GBP3: variants seen among roughly 807,000 people sequenced by gnomAD.
The protein encoded by GBP3 is guanylate-binding protein 3.
A neutral mutation model predicts 62.4 loss-of-function variants in GBP3; 55 were observed. That is an observed-to-expected ratio of 0.88 (90% CI 0.71 to 1.10). The LOEUF is 1.10. Ranked by LOEUF, GBP3 falls within the 50% of genes least tolerant of loss-of-function variation. The probability of loss-of-function intolerance (pLI) is 0.00; values close to 1 mark genes in which losing one functional copy is unlikely to be tolerated. For missense variants in GBP3, 605 were observed against 690.6 expected (o/e 0.88, Z 1.39); for synonymous variants, 208 against 259.2 (o/e 0.80, Z 1.90).
At chr1:89,008,832 G>A (rs1389805039) in intron 10 of GBP3, 115 bp downstream of exon 10, 6 of 1,533,016 alleles carry the variant, frequency 3.9e-6, no homozygotes, top group Non-Finnish European at 5.3e-6. Flanking sequence ...AAGTACAAGT[G>A]AGCAAGCAAA....
At chr1:89,009,180 T>A in intron 9 of GBP3, 40 bp from the exon 10 acceptor site, 1 of 1,595,476 alleles carries the variant, frequency 6.3e-7, no homozygotes, top group Non-Finnish European at 8.6e-7. Flanking sequence ...AGTTATCTTG[T>A]TGCCTCATTC....
chr1:89,012,536 G>A (rs963842513), intron 6 of GBP3, among the ~76,000 whole-genome samples: 2 of 138,414 alleles, frequency 1.4e-5, no homozygotes, highest in African/African-American at 4.9e-5. Flanking sequence ...TAGCCACTAA[G>A]TACATGTAAA....
chr1:89,009,580 G>C (rs1182736479), intron 8 of GBP3, 86 bp from the exon 9 acceptor site: 2 of 1,578,792 alleles, frequency 1.3e-6, no homozygotes, highest in Non-Finnish European at 8.6e-7. Context: ...CTTTTCTTCT[G>C]AGAATTCTTC....
In GBP3 at chr1:89,012,109, C is replaced by T; in HGVS notation, c.869-82G>A. On this transcript the variant is annotated intron_variant, in intron 6 of 10. Coordinates refer to ENST00000370481, the MANE Select transcript of GBP3 (RefSeq NM_018284.3). The stretch of plus-strand genomic sequence containing the variant: ...GTGTAATTCTGAACATGTCAATTTC[C>T]ACCTATTTTCCTCACAGCATCAAGG... 5 of 1,267,916 alleles carry T rather than the reference C, an allele frequency of 3.9e-6. 1 individual carries two copies. The highest frequency in any genetic ancestry group is 1.4e-5 in the African/African-American group (1 of 70,990). The allele number at this position is 1,267,916 out of a possible 1,614,324, so 78.5% of individuals were successfully genotyped here.
At chr1:89,012,729 C>A (rs1376329972) in intron 6 of GBP3, among the ~76,000 whole-genome samples, 1 of 138,102 alleles carries the variant, frequency 7.2e-6, no homozygotes, top group African/African-American at 2.5e-5. Context: ...CTATCTTTTC[C>A]CACCAAGAAG....
At chr1:89,018,968 T>C (rs1679033449) in intron 2 of GBP3, among the ~76,000 whole-genome samples, 1 of 152,174 alleles carries the variant, frequency 6.6e-6, no homozygotes, top group African/African-American at 2.4e-5. Context: ...AAATAACAAA[T>C]GTTGGTGAAT....
chr1:89,017,580 A>T (rs1678953522), intron 2 of GBP3, among the ~76,000 whole-genome samples: 1 of 152,246 alleles, frequency 6.6e-6, no homozygotes, highest in Non-Finnish European at 1.5e-5. Flanking sequence ...TCTGATAAGG[A>T]ATTGATGTCT....
chr1:89,021,974 T>C (rs10922543), intron 1 of GBP3, among the ~76,000 whole-genome samples: 11,800 of 151,396 alleles, frequency 0.078, 1,549 homozygotes, highest in African/African-American at 0.27. Context: ...AGATACCGGC[T>C]TTAGTAGTGA....
intron 2 of GBP3, 34 bp downstream of exon 2, chr1:89,020,498 A>C (rs377477809): frequency 6.2e-7 from 1 of 1,612,080 alleles, no homozygotes; most frequent in African/African-American, 1.3e-5. Flanking sequence ...GGGGGACAGA[A>C]GGGACTTGGC....
In GBP3 at chr1:89,012,052, T is replaced by C; in HGVS notation, c.869-25A>G. The C allele has an allele frequency of 2.8e-6, 4 of 1,444,336 alleles. 2 individuals are homozygous for C. Among genetic ancestry groups the C allele is most frequent in the Non-Finnish European group, 3.8e-6 (4 of 1,041,902 alleles). The allele number at this position is 1,444,336 out of a possible 1,614,324, so 89.5% of individuals were successfully genotyped here. A position where few individuals can be genotyped will look rare whatever the true frequency, so the allele number is the denominator to read the frequency against. ...CCTACATACAAAGAAGAAATGATAATGTTTCTTGTACTAAAGAAAACTCTC... is the reference window on the plus strand; with the variant it reads ...CCTACATACAAAGAAGAAATGATAACGTTTCTTGTACTAAAGAAAACTCTC... On this transcript the variant is annotated intron_variant, in intron 6 of 10. Transcript: ENST00000370481.
chr1:89,018,325 A>G (rs1458307222), intron 2 of GBP3, among the ~76,000 whole-genome samples: 1 of 152,282 alleles, frequency 6.6e-6, no homozygotes, highest in South Asian at 2.1e-4. Context: ...AGAAAAGCAG[A>G]TGTTCATAGC....
At chr1:89,011,245 G>A in intron 7 of GBP3, 129 bp from the exon 8 acceptor site, 1 of 1,193,222 alleles carries the variant, frequency 8.4e-7, no homozygotes, top group Non-Finnish European at 1.2e-6. Context: ...CTCCTCAGCA[G>A]GACCACGCTC....
chr1:89,010,657 C>T lies in GBP3; in HGVS notation c.1362+247G>A, dbSNP rs1229793162. ...AAACTCCTGAGCTCAAGCAATCTGCCTGCCTCTGCCCTCAAAGTGTTAGGA... is the reference window on the plus strand; with the variant it reads ...AAACTCCTGAGCTCAAGCAATCTGCTTGCCTCTGCCCTCAAAGTGTTAGGA... On this transcript the variant is annotated intron_variant, in intron 8 of 10. Transcript: ENST00000370481. Among the ~76,000 whole-genome samples, 3 of 138,800 alleles carry T rather than the reference C, an allele frequency of 2.2e-5. 1 individual carries two copies. Among genetic ancestry groups the T allele is most frequent in the African/African-American group, 7.4e-5 (3 of 40,472 alleles). 91.1% of individuals were successfully genotyped at this position (138,800 alleles called of 152,430 possible). A position where few individuals can be genotyped will look rare whatever the true frequency, so the allele number is the denominator to read the frequency against.
At chr1:89,009,539 A>G (rs1267850352) in intron 8 of GBP3, 45 bp from the exon 9 acceptor site, 1 of 1,608,016 alleles carries the variant, frequency 6.2e-7, no homozygotes, top group African/African-American at 1.3e-5. Context: ...AAATGGCTGT[A>G]AGCAGGTTTT....
chr1:89,020,340 G>T, intron 2 of GBP3, 192 bp downstream of exon 2: 1 of 654,670 alleles, frequency 1.5e-6, no homozygotes, highest in Non-Finnish European at 2.7e-6. Flanking sequence ...AGTCAATTGA[G>T]ATAACTCACT....
At chr1:89,010,124 ATTTTT>A (rs3065858) in intron 8 of GBP3, among the ~76,000 whole-genome samples, 3 of 144,536 alleles carry the variant, frequency 2.1e-5, no homozygotes, top group African/African-American at 5.1e-5. Context: ...TAATTAACTA[ATTTTT>A]TTTTTTTTTT....
intron 2 of GBP3, among the ~76,000 whole-genome samples, chr1:89,019,687 T>C (rs1679078538): frequency 6.6e-6 from 1 of 152,230 alleles, no homozygotes; most frequent in South Asian, 2.1e-4. Context: ...ACTCCACTTA[T>C]ATAACATTCC....
intron 8 of GBP3, 145 bp from the exon 9 acceptor site, chr1:89,009,639 A>G: frequency 1.8e-6 from 2 of 1,142,410 alleles, no homozygotes; most frequent in Non-Finnish European, 2.5e-6. Context: ...TCACAGGGCC[A>G]GATACATGCT....
intron 2 of GBP3, among the ~76,000 whole-genome samples, chr1:89,017,982 G>A (rs554792555): frequency 6.6e-6 from 1 of 152,180 alleles, no homozygotes; most frequent in East Asian, 1.9e-4. Flanking sequence ...GGGAGGCTGA[G>A]GTAGGAGAAT....
Sources: gnomAD v4.1 joint callset for allele counts (sites outside exome capture counted in the v4.1 genomes callset) on GRCh38, gnomAD v4.1.1 for gene constraint, MANE v1.5 for transcripts, NCBI Gene and HGNC (gene_info 2026-07-23, HGNC 2026-07-21) for gene names.